Variants in CADM2 observed in about 807,000 individuals in gnomAD.
CADM2 encodes the protein immunoglobulin superfamily member 4D.
A neutral mutation model predicts 49.8 loss-of-function variants in CADM2; 12 were observed. The ratio of observed to expected loss-of-function variants is 0.24; its 90% CI spans 0.15 to 0.39. The LOEUF is 0.39. Among genes scored for constraint, CADM2 ranks in the 10% least tolerant of loss-of-function variants. CADM2 has a pLI of 1.00. For synonymous variants in CADM2, 214 were observed against 175.4 expected, an observed-to-expected ratio of 1.22 and a Z score of -1.74; for missense variants, 378 against 492.3, an observed-to-expected ratio of 0.77 and a Z score of 2.20.
At chr3:85,856,350 T>A (rs558422635) in intron 3 of CADM2, among the ~76,000 whole-genome samples, 5 of 152,306 alleles carry the variant, frequency 3.3e-5, no homozygotes, top group African/African-American at 9.6e-5. Flanking sequence ...AAATAGCACA[T>A]ATTTTGTTAA....
intron 1 of CADM2, among the ~76,000 whole-genome samples, chr3:85,676,993 T>C (rs1433616084): frequency 6.6e-6 from 1 of 152,170 alleles, no homozygotes; most frequent in African/African-American, 2.4e-5. Context: ...CTTACAGGTG[T>C]TATCTGCACA....
chr3:85,653,706 A>G (rs1254877300), intron 1 of CADM2, among the ~76,000 whole-genome samples: 1 of 152,152 alleles, frequency 6.6e-6, no homozygotes, highest in Non-Finnish European at 1.5e-5. Flanking sequence ...CAGAATATAA[A>G]TGGAGTTTAA....
At chr3:85,944,785 G>A (rs1488636924) in intron 7 of CADM2, among the ~76,000 whole-genome samples, 1 of 152,012 alleles carries the variant, frequency 6.6e-6, no homozygotes, top group East Asian at 1.9e-4. Flanking sequence ...CATGTGTGTA[G>A]AGGGAAATTT....
At chr3:85,247,306 A>G (rs569076900) in intron 1 of CADM2, among the ~76,000 whole-genome samples, 1 of 152,198 alleles carries the variant, frequency 6.6e-6, no homozygotes, top group East Asian at 1.9e-4. Flanking sequence ...TTACTCTAAC[A>G]TTAGTGATGA....
In CADM2 at chr3:85,290,833, G is replaced by A. The variant is rs567787841; in HGVS notation, c.61+331165G>A. Among the ~76,000 whole-genome samples, 22 of 152,240 alleles carry A rather than the reference G, an allele frequency of 1.4e-4. No individual in the cohort carries two copies. In the South Asian group the frequency reaches 4.1e-3, roughly 29 times the overall value. ...CAAAAGTAGATAAAACCACAAAGAT[G>A]GGGAAAAAACAGAACAGAAAAACTG... On this transcript the variant is annotated intron_variant, in intron 1 of 9. Transcript: ENST00000383699.
In CADM2 at chr3:86,066,684, A is replaced by T. The variant is rs1739381101; in HGVS notation, c.1116A>T (p.Glu372Asp). The stretch of plus-strand genomic sequence containing the variant: ...ATGCAGGAACGTATTTAACAAATGA[A>T]GCTAAAGGAGCTGAAGATGCACCAG... ...ARHKGTYLTN[E>D]AKGAEDAPDA... The change falls in exon 10 of 10, where the codon GAA becomes GAT. Residue 372 changes from glutamate to aspartate, a missense_variant. Physicochemically the swap from Glu to Asp is conservative, Grantham distance 45 (BLOSUM62 2). Coordinates refer to ENST00000383699, the MANE Select transcript of CADM2 (RefSeq NM_001167675.2). 6.2e-7 allele frequency: 1 copy of T among 1,613,174 alleles called. No homozygotes were observed. The highest frequency in any genetic ancestry group is 1.3e-5 in the African/African-American group (1 of 74,908).
chr3:85,167,763 A>G (rs1462411845), intron 1 of CADM2, among the ~76,000 whole-genome samples: 1 of 152,210 alleles, frequency 6.6e-6, no homozygotes, highest in Non-Finnish European at 1.5e-5. Context: ...TATAAGTAGC[A>G]TATGCTAATT....
rs542869749 is a variant in CADM2, at chr3:85,280,678, G to A, written c.61+321010G>A. On this transcript the variant is annotated intron_variant, in intron 1 of 9. Coordinates refer to ENST00000383699, the MANE Select transcript of CADM2 (RefSeq NM_001167675.2). Reference sequence around the variant, plus strand: ...AAAAAACTTATTAAAATTTCTGATAGTTTTAGAAGAGTTTACTAAAATTGA... The same window carrying A: ...AAAAAACTTATTAAAATTTCTGATAATTTTAGAAGAGTTTACTAAAATTGA... Among the ~76,000 whole-genome samples, 356 of 151,798 alleles carry A rather than the reference G, an allele frequency of 2.3e-3. 1 individual carries two copies. The highest frequency in any genetic ancestry group is 6.8e-3 in the Middle Eastern group (2 of 292).
At chr3:85,414,678 C>T (rs1016626442) in intron 1 of CADM2, among the ~76,000 whole-genome samples, 1 of 152,128 alleles carries the variant, frequency 6.6e-6, no homozygotes, top group Non-Finnish European at 1.5e-5. Flanking sequence ...AATTTTTAAG[C>T]TGATTATTCT....
In CADM2 at chr3:85,293,675, C is replaced by A. The variant is rs1296848662; in HGVS notation, c.61+334007C>A. Among the ~76,000 whole-genome samples the A allele has an allele frequency of 7.7e-5, 11 of 142,124 alleles. No individual in the cohort carries two copies. The East Asian group carries it at 2.2e-3, about 28-fold the overall frequency. The allele number at this position is 142,124 out of a possible 152,430, so 93.2% of individuals were successfully genotyped here. ...ATGTAATCCAGCATATAAACAGAGC[C>A]AAAGACAAAAACCACATGATTATCT... On this transcript the variant is annotated intron_variant, in intron 1 of 9. Transcript: ENST00000383699.
At chr3:85,011,704 G>A (rs1041548602) in intron 1 of CADM2, among the ~76,000 whole-genome samples, 2 of 152,002 alleles carry the variant, frequency 1.3e-5, no homozygotes, top group African/African-American at 4.8e-5. Flanking sequence ...GCAACACAGG[G>A]AGACCCCACC....
intron 1 of CADM2, among the ~76,000 whole-genome samples, chr3:84,974,806 T>C (rs1352072355): frequency 6.6e-6 from 1 of 151,978 alleles, no homozygotes; most frequent in Non-Finnish European, 1.5e-5. Context: ...TTTAAGATAA[T>C]ATATTACATT....
chr3:85,848,261 A>G (rs2074962430), intron 3 of CADM2, among the ~76,000 whole-genome samples: 1 of 152,102 alleles, frequency 6.6e-6, no homozygotes, highest in South Asian at 2.1e-4. Context: ...AATTATCAAT[A>G]ATTGCTATCT....
chr3:85,799,697 G>C (rs1411702090), intron 2 of CADM2, among the ~76,000 whole-genome samples: 1 of 152,136 alleles, frequency 6.6e-6, no homozygotes, highest in Non-Finnish European at 1.5e-5. Context: ...CTGTTTGCCT[G>C]GGTATTACCA....
In CADM2 at chr3:85,291,002, G is replaced by C. The variant is rs866801457; in HGVS notation, c.61+331334G>C. Among the ~76,000 whole-genome samples the C allele has an allele frequency of 1.2e-4, 19 of 152,286 alleles. 1 individual carries two copies. In the Middle Eastern group the frequency reaches 0.02, roughly 164 times the overall value. ...ATCAAATTACTCCGAGCTATGGGAG[G>C]ACATTCAAACCAAAGGCAAAGAAGT... On this transcript the variant is annotated intron_variant, in intron 1 of 9. Transcript: ENST00000383699.
At chr3:85,764,581 G>A (rs2069560782) in intron 2 of CADM2, among the ~76,000 whole-genome samples, 2 of 151,952 alleles carry the variant, frequency 1.3e-5, no homozygotes, top group Admixed American at 6.6e-5. Flanking sequence ...CCTAAAATTA[G>A]CATTTGAAAG....
intron 1 of CADM2, among the ~76,000 whole-genome samples, chr3:85,677,077 A>C (rs2065906446): frequency 6.6e-6 from 1 of 152,140 alleles, no homozygotes; most frequent in African/African-American, 2.4e-5. Context: ...CCTAAAATTA[A>C]ATTAGCTTTT....
At chr3:85,674,181 TA>T (rs2065826409) in intron 1 of CADM2, among the ~76,000 whole-genome samples, 1 of 152,184 alleles carries the variant, frequency 6.6e-6, no homozygotes. Flanking sequence ...CACAGAACTG[TA>T]TTAAATACAT....
intron 1 of CADM2, among the ~76,000 whole-genome samples, chr3:85,210,548 T>C (rs975099456): frequency 1.3e-5 from 2 of 152,062 alleles, no homozygotes; most frequent in African/African-American, 4.8e-5. Context: ...ATTTTTTTCT[T>C]TTTTCTTTTT....
Sources: allele counts gnomAD v4.1 joint callset (sites outside exome capture counted in the v4.1 genomes callset), GRCh38; gene constraint gnomAD v4.1.1; transcripts MANE v1.5; gene names NCBI Gene and HGNC (gene_info 2026-07-23, HGNC 2026-07-21).